SEMA3D: variants seen among roughly 807,000 people sequenced by gnomAD.
SEMA3D encodes the protein semaphorin-3D.
Under a neutral mutation model 100.1 loss-of-function variants are expected in SEMA3D, and 84 were observed. The observed-to-expected ratio is 0.84, with a 90% confidence interval of 0.70 to 1.01. SEMA3D has a LOEUF of 1.01. SEMA3D is among the 50% of genes least tolerant of loss of function. SEMA3D has a pLI of 0.00. For missense variants in SEMA3D, 875 were observed against 934.1 expected (o/e 0.94, Z 0.82); for synonymous variants, 312 against 320.7 (o/e 0.97, Z 0.29).
At chr7:85,172,991 A>G (rs1257774019) in intron 1 of SEMA3D, among the ~76,000 whole-genome samples, 4 of 152,118 alleles carry the variant, frequency 2.6e-5, no homozygotes, top group African/African-American at 9.7e-5. Context: ...TAGAAAAGGC[A>G]TAAGGAACAA....
rs1788609380 is a variant in SEMA3D, at chr7:85,097,811, A to C, written c.306T>G (p.Phe102Leu). The change falls in exon 4 of 19, where the codon TTT becomes TTG. Residue 102 changes from phenylalanine (F) to leucine (L), a missense_variant. Phe to Leu is a conservative substitution (Grantham distance 22). Coordinates refer to ENST00000284136, the MANE Select transcript of SEMA3D (RefSeq NM_001384900.1). ...TATATATAAATATACTGACCTTCTT[A>C]AAATTTTTGTTTAAGTCAACCAGAC... Reference protein sequence around the residue: ...LLSLVDLNKNFKKIYWPAAKE... With the variant: ...LLSLVDLNKNLKKIYWPAAKE... The C allele has an allele frequency of 6.3e-7, 1 of 1,582,736 alleles. No individual in the cohort carries two copies. The highest frequency in any genetic ancestry group is 1.1e-5 in the South Asian group (1 of 88,398).
intron 3 of SEMA3D, among the ~76,000 whole-genome samples, chr7:85,106,975 TG>T (rs1274159871): frequency 6.6e-6 from 1 of 152,076 alleles, no homozygotes; most frequent in African/African-American, 2.4e-5. Flanking sequence ...AGGTGAGGTT[TG>T]GGTGGCAACA....
At chr7:85,088,505 C>G (rs566635915) in intron 4 of SEMA3D, among the ~76,000 whole-genome samples, 5 of 152,034 alleles carry the variant, frequency 3.3e-5, no homozygotes, top group African/African-American at 9.7e-5. Context: ...AAACAGGATA[C>G]AAGTTTTTAA....
chr7:85,064,229 CT>C (rs1791552474), intron 8 of SEMA3D, among the ~76,000 whole-genome samples: 1 of 150,764 alleles, frequency 6.6e-6, no homozygotes, highest in South Asian at 2.1e-4. Flanking sequence ...ATAAAAATAT[CT>C]TTTTACTCAA....
the SEMA3D span, among the ~76,000 whole-genome samples, chr7:85,231,662 G>A: frequency 7.9e-5 from 12 of 152,156 alleles, no homozygotes; most frequent in Middle Eastern, 3.4e-3. Context: ...GTGTTAGCCA[G>A]GATGGTCTCG....
At chr7:85,212,377 T>C in the SEMA3D span, among the ~76,000 whole-genome samples, 1 of 152,134 alleles carries the variant, frequency 6.6e-6, no homozygotes, top group Non-Finnish European at 1.5e-5. Context: ...GAGTAACTTG[T>C]CTTGAACCCC....
intron 8 of SEMA3D, among the ~76,000 whole-genome samples, chr7:85,059,977 C>T (rs1791429011): frequency 6.6e-6 from 1 of 152,114 alleles, no homozygotes; most frequent in African/African-American, 2.4e-5. Context: ...TACTAGTCTA[C>T]ATTTCAGAAA....
At chr7:85,033,849 T>TCACA (rs1472555074) in intron 12 of SEMA3D, among the ~76,000 whole-genome samples, 24 of 86,424 alleles carry the variant, frequency 2.8e-4, no homozygotes, top group Non-Finnish European at 4.4e-4. Flanking sequence ...CCAATTTTAA[T>TCACA]CACACACATA....
intron 9 of SEMA3D, among the ~76,000 whole-genome samples, chr7:85,043,232 C>T (rs938474704): frequency 6.6e-6 from 1 of 151,900 alleles, no homozygotes; most frequent in Non-Finnish European, 1.5e-5. Context: ...GGTGGGGTGT[C>T]CCTGTAATCC....
In SEMA3D at chr7:85,022,499, C is replaced by T; in HGVS notation, c.1306G>A (p.Gly436Arg). The T allele has an allele frequency of 6.2e-7, 1 of 1,612,414 alleles. No homozygotes were observed. The highest frequency in any genetic ancestry group is 8.5e-7 in the Non-Finnish European group (1 of 1,178,840). The change falls in exon 13 of 19, where the codon GGA (glycine) becomes AGA (arginine). Residue 436 changes from glycine (G) to arginine (R), a missense_variant. By Grantham distance (125) the Gly-to-Arg change is moderately radical. Transcript: ENST00000284136. ...VMYKSVYPVA[G>R]GPTFKRINVD... is the part of the protein sequence containing the mutation. ...TTGATTCTCTTGAACGTTGGTCCTC[C>T]TGCAACTGGGTATACGGACTTATAC...
chr7:85,130,749 T>C (rs1026618793), intron 2 of SEMA3D, among the ~76,000 whole-genome samples: 7 of 152,190 alleles, frequency 4.6e-5, no homozygotes, highest in Non-Finnish European at 1.0e-4. Flanking sequence ...TTGTACCTTA[T>C]ATGACTGCCT....
At chr7:85,028,487 G>A (rs1562788732) in intron 12 of SEMA3D, 11 of 363,382 alleles carry the variant, frequency 3.0e-5, no homozygotes, top group South Asian at 3.0e-4. Context: ...AATCTCTGAG[G>A]TGAAATCTAC....
intron 2 of SEMA3D, among the ~76,000 whole-genome samples, chr7:85,128,772 A>C (rs1373243444): frequency 6.6e-6 from 1 of 151,708 alleles, no homozygotes; most frequent in African/African-American, 2.4e-5. Flanking sequence ...ATTCTATTTT[A>C]TAACCAAGTT....
rs921658154 is a variant in SEMA3D, at chr7:85,140,794, A to G, written c.-41+12814T>C. 10 of 944,048 alleles carry G rather than the reference A, an allele frequency of 1.1e-5. No homozygotes were observed. In the African/African-American group the frequency reaches 1.2e-4, roughly 12 times the overall value. 58.5% of individuals were successfully genotyped at this position (944,048 alleles called of 1,614,324 possible). ...ATGTATATTTTGCTGCTGCTTAATT[A>G]TTCCATTAATAATAGACTGTGATTA... On this transcript the variant is annotated intron_variant, in intron 2 of 18. Coordinates refer to ENST00000284136, the MANE Select transcript of SEMA3D (RefSeq NM_001384900.1).
At chr7:85,032,979 G>T (rs1335641775) in intron 12 of SEMA3D, among the ~76,000 whole-genome samples, 1 of 151,512 alleles carries the variant, frequency 6.6e-6, no homozygotes, top group Non-Finnish European at 1.5e-5. Context: ...CTCAACTTCA[G>T]GTGCAAATGT....
chr7:85,228,874 T>C, the SEMA3D span, among the ~76,000 whole-genome samples: 2 of 152,182 alleles, frequency 1.3e-5, no homozygotes, highest in African/African-American at 4.8e-5. Context: ...AATGTCTCTG[T>C]CTTGTGGCCT....
intron 3 of SEMA3D, among the ~76,000 whole-genome samples, chr7:85,119,798 C>T (rs919229117): frequency 3.3e-5 from 5 of 152,116 alleles, no homozygotes; most frequent in Non-Finnish European, 1.5e-5. Flanking sequence ...CAGCATGTCA[C>T]CTGAGTGCCC....
Position 85,181,347 on chromosome 7 carries a change from C to CACACACACACACAA in SEMA3D, c.-173+5330_-173+5331insTTGTGTGTGTGTGT, listed in dbSNP as rs1554352318. Reference sequence around the variant, plus strand: ...ACACACACACACACACACACACACACACACACACACACACATGCACTGCTA... The same window carrying CACACACACACACAA: ...ACACACACACACACACACACACACACACACACACACACAAACACACACACACACATGCACTGCTA... On this transcript the variant is annotated intron_variant, in intron 1 of 18. Coordinates refer to ENST00000284136, the MANE Select transcript of SEMA3D (RefSeq NM_001384900.1). 7.4e-3 allele frequency among the ~76,000 whole-genome samples: 1,089 copies of CACACACACACACAA among 146,228 alleles called. 19 individuals are homozygous for CACACACACACACAA. The highest frequency in any genetic ancestry group is 0.027 in the African/African-American group (997 of 37,328).
chr7:85,178,926 G>A (rs1318033859), intron 1 of SEMA3D, among the ~76,000 whole-genome samples: 1 of 152,156 alleles, frequency 6.6e-6, no homozygotes, highest in Non-Finnish European at 1.5e-5. Context: ...GGCTAAAAGG[G>A]GCCAAGTTAC....
Sources: gnomAD v4.1 joint callset for allele counts (sites outside exome capture counted in the v4.1 genomes callset) on GRCh38, gnomAD v4.1.1 for gene constraint, MANE v1.5 for transcripts, NCBI Gene and HGNC (gene_info 2026-07-23, HGNC 2026-07-21) for gene names.